Variants in ITGAL observed in about 807,000 individuals in gnomAD.
ITGAL encodes the protein integrin subunit alpha L.
ITGAL carries 68 observed loss-of-function variants against 138.4 expected under a neutral mutation model. That is an observed-to-expected ratio of 0.49 (90% CI 0.40 to 0.60). The LOEUF (loss-of-function observed/expected upper bound fraction) is 0.60, where lower values mean the gene tolerates loss of function less well. Ranked by LOEUF, ITGAL falls within the 20% of genes least tolerant of loss-of-function variation. The probability of loss-of-function intolerance (pLI) is 0.00; values close to 1 mark genes in which losing one functional copy is unlikely to be tolerated. For missense variants in ITGAL, 1,256 were observed against 1,478.6 expected (o/e 0.85, Z 2.47); for synonymous variants, 561 against 584.3 (o/e 0.96, Z 0.57).
intron 25 of ITGAL, among the ~76,000 whole-genome samples, chr16:30,516,556 G>T (rs2064155193): frequency 6.6e-6 from 1 of 152,104 alleles, no homozygotes. Flanking sequence ...GGGATTGGAG[G>T]TGGAGTAAGA....
At chr16:30,475,663 T>G in intron 4 of ITGAL, 83 bp downstream of exon 4, 2 of 1,032,412 alleles carry the variant, frequency 1.9e-6, no homozygotes, top group Middle Eastern at 2.2e-4. Context: ...AGAATGTGGA[T>G]AAAAGTTCCC....
chr16:30,513,720 C>G (rs1300930365), intron 24 of ITGAL, 51 bp from the exon 25 acceptor site: 1 of 1,427,266 alleles, frequency 7.0e-7, no homozygotes, highest in Non-Finnish European at 9.9e-7. Flanking sequence ...CTTCCTGGAG[C>G]CCGGGTTGCT....
Position 30,521,608 on chromosome 16 carries a change from C to T in ITGAL, c.3456C>T (p.Pro1152=), listed in dbSNP as rs11574950. Reference sequence around the variant, plus strand: ...CATCTGGGCAAGAGGCTGGGGATCCCGGCTGCCTGAAGCCCCTCCATGAGA... The same window carrying T: ...CATCTGGGCAAGAGGCTGGGGATCCTGGCTGCCTGAAGCCCCTCCATGAGA... ...QLASGQEAGD[P]GCLKPLHEKD... Residue 1152 remains proline (P), a synonymous_variant, in exon 31 of 31, where the codon CCC becomes CCT. Coordinates refer to ENST00000356798, the MANE Select transcript of ITGAL (RefSeq NM_002209.3). The T allele has an allele frequency of 5.7e-4, 926 of 1,614,178 alleles. 3 individuals carry two copies. The African/African-American group carries it at 0.01, about 17-fold the overall frequency.
chr16:30,504,339 G>A (rs1210711290), intron 18 of ITGAL, 75 bp downstream of exon 18: 11 of 1,120,894 alleles, frequency 9.8e-6, no homozygotes, highest in Middle Eastern at 2.0e-4. Context: ...GCCCATGGCC[G>A]GGCAGCACAC....
chr16:30,512,131 TA>T (rs2051099419), intron 24 of ITGAL, among the ~76,000 whole-genome samples: 1 of 152,196 alleles, frequency 6.6e-6, no homozygotes, highest in African/African-American at 2.4e-5. Context: ...GACTTAGTTT[TA>T]AAAACTACAT....
At chr16:30,512,476 A>G (rs1275534599) in intron 24 of ITGAL, among the ~76,000 whole-genome samples, 1 of 151,340 alleles carries the variant, frequency 6.6e-6, no homozygotes, top group Non-Finnish European at 1.5e-5. Flanking sequence ...AATCCCAGCT[A>G]CTCAGGAGGC....
At chr16:30,508,725 TGG>T (rs2051043248) in intron 21 of ITGAL, among the ~76,000 whole-genome samples, 1 of 151,604 alleles carries the variant, frequency 6.6e-6, no homozygotes, top group African/African-American at 2.4e-5. Context: ...CCAGGTGTGG[TGG>T]GGTGTGCCTG....
chr16:30,498,055 C>A (rs1314975224), intron 15 of ITGAL, among the ~76,000 whole-genome samples: 3 of 151,746 alleles, frequency 2.0e-5, no homozygotes, highest in African/African-American at 7.3e-5. Flanking sequence ...GTTGTGGGGG[C>A]CCCTCTGGAG....
chr16:30,498,385 C>G (rs549929434), intron 15 of ITGAL, among the ~76,000 whole-genome samples: 1 of 151,728 alleles, frequency 6.6e-6, no homozygotes, highest in African/African-American at 2.4e-5. Flanking sequence ...TGAGCTATGA[C>G]TGCACCACTG....
At position 30,494,890 on chromosome 16, in the gene ITGAL, C is replaced by G. The variant is rs371581533; in HGVS notation, c.1503+40C>G. On this transcript the variant is annotated intron_variant, in intron 13 of 30. Transcript: ENST00000356798. This position sits in a 1 kb window ranked among gnomAD's most constrained non-coding sequence, Gnocchi z 4.2. ...TGGAGCTGAGAGGGAGGAGGGAGAGCAGCAGAGATTCGCAGCTCCCAGTTA... is the reference window on the plus strand; with the variant it reads ...TGGAGCTGAGAGGGAGGAGGGAGAGGAGCAGAGATTCGCAGCTCCCAGTTA... The G allele has an allele frequency of 1.3e-6, 2 of 1,547,070 alleles. No homozygotes were observed. Among genetic ancestry groups the G allele is most frequent in the African/African-American group, 2.8e-5 (2 of 72,648 alleles).
At chr16:30,519,777 A>T in intron 29 of ITGAL, 80 bp from the exon 30 acceptor site, 3 of 883,122 alleles carry the variant, frequency 3.4e-6, no homozygotes, top group South Asian at 2.7e-5. Flanking sequence ...ATAGGAGGAG[A>T]TGGGGAATGG....
In ITGAL at chr16:30,506,972, G is replaced by A. The variant is rs1597098731; in HGVS notation, c.2508+116G>A. On this transcript the variant is annotated intron_variant, in intron 21 of 30. Transcript: ENST00000356798. ...ACATGGGCAGCTGCGGGTGGACAGG[G>A]GTCTTAGGGTCATATCTGGGTTCCC... 5.4e-6 allele frequency: 6 copies of A among 1,105,620 alleles called. No homozygotes were observed. The Middle Eastern group carries it at 8.5e-4, about 156-fold the overall frequency. The allele number at this position is 1,105,620 out of a possible 1,614,324, so 68.5% of individuals were successfully genotyped here. A position where few individuals can be genotyped will look rare whatever the true frequency, so the allele number is the denominator to read the frequency against.
intron 4 of ITGAL, among the ~76,000 whole-genome samples, 167 bp from the exon 5 acceptor site, chr16:30,478,924 T>C (rs917020796): frequency 6.6e-6 from 1 of 152,154 alleles, no homozygotes; most frequent in African/African-American, 2.4e-5. Context: ...ATGGGAGGGA[T>C]GGACAGTAGA....
Position 30,494,959 on chromosome 16 carries a change from T to C in ITGAL, c.1503+109T>C. ...TCTGGTCACGTGGCGATCAAACTTT[T>C]AGAACGACAGAGAGGCAATAGCAAA... On this transcript the variant is annotated intron_variant, in intron 13 of 30. Transcript: ENST00000356798. The surrounding 1 kb of genome is among the most constrained non-coding windows in gnomAD (Gnocchi z 4.2). 1 of 1,245,118 alleles carries C rather than the reference T, an allele frequency of 8.0e-7. No homozygotes were observed. The highest frequency in any genetic ancestry group is 1.1e-6 in the Non-Finnish European group (1 of 906,672). The allele number at this position is 1,245,118 out of a possible 1,614,324, so 77.1% of individuals were successfully genotyped here.
chr16:30,520,707 C>T (rs2051239516), intron 30 of ITGAL, among the ~76,000 whole-genome samples: 1 of 152,200 alleles, frequency 6.6e-6, no homozygotes, highest in Non-Finnish European at 1.5e-5. Context: ...GCCTAGAACC[C>T]AGGAGCCTCA....
Position 30,517,082 on chromosome 16 carries a change from A to G in ITGAL, c.2972A>G (p.Gln991Arg), listed in dbSNP as rs2051178121. Residue 991 changes from glutamine (Q) to arginine (R), a missense_variant, in exon 26 of 31, where the codon CAG becomes CGG. Physicochemically the swap from Gln to Arg is conservative, Grantham distance 43. Coordinates refer to ENST00000356798, the MANE Select transcript of ITGAL (RefSeq NM_002209.3). ...CCCATCACACACCAGTGGAGCGTGC[A>G]GATGGTGAGTGCTGCCTGTAGAGGG... ...EGPITHQWSV[Q>R]MEPPVPCHYE... is the part of the protein sequence containing the mutation. The G allele has an allele frequency of 7.5e-6, 12 of 1,596,770 alleles. No individual in the cohort carries two copies. The Admixed American group carries it at 1.7e-4, about 23-fold the overall frequency.
intron 18 of ITGAL, 69 bp from the exon 19 acceptor site, chr16:30,505,175 C>G: frequency 7.0e-7 from 1 of 1,428,188 alleles, no homozygotes; most frequent in Non-Finnish European, 9.4e-7. Flanking sequence ...CCCTCCAGCT[C>G]TCCTTCATGA....
At chr16:30,511,311 G>C (rs921023411) in intron 24 of ITGAL, among the ~76,000 whole-genome samples, 175 bp downstream of exon 24, 1 of 152,178 alleles carries the variant, frequency 6.6e-6, no homozygotes, top group African/African-American at 2.4e-5. Flanking sequence ...ATTCCAAAAT[G>C]TGAGGGCCAT....
At chr16:30,512,454 G>A (rs1332039019) in intron 24 of ITGAL, among the ~76,000 whole-genome samples, 1 of 151,724 alleles carries the variant, frequency 6.6e-6, no homozygotes, top group Non-Finnish European at 1.5e-5. Context: ...CGGCGTTGTG[G>A]CAGGCACCTA....
Sources: gnomAD v4.1 joint callset for allele counts (sites outside exome capture counted in the v4.1 genomes callset) on GRCh38, gnomAD v4.1.1 for gene constraint, Gnocchi (gnomAD v3.1) non-coding constraint, MANE v1.5 for transcripts, NCBI Gene and HGNC (gene_info 2026-07-23, HGNC 2026-07-21) for gene names.